Variants in KANK1 observed in about 807,000 individuals in gnomAD.
KANK1 encodes KN motif and ankyrin repeat domain-containing protein 1.
In KANK1, 109 loss-of-function variants were observed where a neutral mutation model predicts 106.2. The observed-to-expected ratio is 1.03, with a 90% CI of 0.88 to 1.20. The LOEUF (loss-of-function observed/expected upper bound fraction) is 1.20, where lower values mean the gene tolerates loss of function less well. Ranked by LOEUF, KANK1 falls within the 50% of genes most tolerant of loss-of-function variation. The pLI, the probability that KANK1 is intolerant of heterozygous loss-of-function variation, is 0.00. For synonymous variants in KANK1, 873 were observed against 652.2 expected (o/e 1.34, Z -5.16); for missense variants, 2,399 against 1,710.7 (o/e 1.40, Z -7.10).
In KANK1 at chr9:528,469, C is replaced by CTTTTTTTTTTTTT. The variant is rs36072780; in HGVS notation, c.-84+23733_-84+23745dup. Among the ~76,000 whole-genome samples, 17 of 85,080 alleles carry CTTTTTTTTTTTTT rather than the reference C, an allele frequency of 2.0e-4. 1 individual carries two copies. The highest frequency in any genetic ancestry group is 3.4e-4 in the African/African-American group (8 of 23,578). 55.8% of individuals were successfully genotyped at this position (85,080 alleles called of 152,430 possible). ...ACCATTTTACTGAATTAAAAAATAACTTTTTTTTTTTTTTTTTTTTTTTTT... is the reference window on the plus strand; with the variant it reads ...ACCATTTTACTGAATTAAAAAATAACTTTTTTTTTTTTTTTTTTTTTTTTTTTTTTTTTTTTTT... On this transcript the variant is annotated intron_variant, in intron 1 of 11. Coordinates refer to ENST00000382297, the MANE Select transcript of KANK1 (RefSeq NM_015158.5).
At chr9:494,410 C>A (rs746534142) in intron 3 of KANK1, among the ~76,000 whole-genome samples, 21 of 152,196 alleles carry the variant, frequency 1.4e-4, no homozygotes, top group African/African-American at 4.1e-4. Context: ...TTTATACTGG[C>A]GGTATAGAAT....
intron 1 of KANK1, among the ~76,000 whole-genome samples, chr9:648,956 TA>T (rs1197328913): frequency 1.3e-5 from 2 of 152,162 alleles, no homozygotes; most frequent in Non-Finnish European, 2.9e-5. Flanking sequence ...TTTGTATTAT[TA>T]GGAGACTCTC....
At chr9:662,643 C>T (rs1373822680) in intron 1 of KANK1, among the ~76,000 whole-genome samples, 1 of 150,366 alleles carries the variant, frequency 6.7e-6, no homozygotes, top group African/African-American at 2.5e-5. Flanking sequence ...GCATCCCTTC[C>T]TTACACCTTA....
chr9:609,626 G>A (rs1434275710), intron 1 of KANK1, among the ~76,000 whole-genome samples: 2 of 151,992 alleles, frequency 1.3e-5, no homozygotes, highest in African/African-American at 4.8e-5. Context: ...GTGAGACGCT[G>A]TCCCAAAAAA....
At chr9:579,794 A>C (rs1434157253) in intron 1 of KANK1, among the ~76,000 whole-genome samples, 1 of 152,216 alleles carries the variant, frequency 6.6e-6, no homozygotes, top group East Asian at 1.9e-4. Flanking sequence ...CTGTGGGTTC[A>C]TTAACCCCAC....
intron 1 of KANK1, among the ~76,000 whole-genome samples, chr9:607,809 A>G (rs937681413): frequency 6.6e-6 from 1 of 151,672 alleles, no homozygotes; most frequent in African/African-American, 2.4e-5. Context: ...AGGCAAAGAA[A>G]AAAAGCGCCG....
intron 1 of KANK1, among the ~76,000 whole-genome samples, chr9:632,720 C>G (rs1048615083): frequency 6.6e-6 from 1 of 152,162 alleles, no homozygotes; most frequent in Non-Finnish European, 1.5e-5. Flanking sequence ...GATGGAGTCT[C>G]TCTCTGTTGC....
chr9:581,589 G>C (rs181726440), intron 1 of KANK1, among the ~76,000 whole-genome samples: 208 of 152,308 alleles, frequency 1.4e-3, no homozygotes, highest in Non-Finnish European at 2.0e-3. Context: ...CCACAAACTA[G>C]AGGTGCAGAG....
Position 738,391 on chromosome 9 carries a change from C to T in KANK1, c.3440C>T (p.Ser1147Phe), listed in dbSNP as rs1402835558. The T allele has an allele frequency of 6.2e-7, 1 of 1,613,980 alleles. No homozygotes were observed. The highest frequency in any genetic ancestry group is 8.5e-7 in the Non-Finnish European group (1 of 1,179,984). Residue 1147 changes from serine (S) to phenylalanine (F), a missense_variant, in exon 8 of 12, where the codon TCC becomes TTC. By Grantham distance (155) the Ser-to-Phe change is radical (BLOSUM62 -2). Coordinates refer to ENST00000382297, the MANE Select transcript of KANK1 (RefSeq NM_015158.5). ...TACATAGCTGCTTTTGAGGCCATTTCCCCAGATGTCCTCCGCTATGTCATC... is the reference window on the plus strand; with the variant it reads ...TACATAGCTGCTTTTGAGGCCATTTTCCCAGATGTCCTCCGCTATGTCATC... ...GDYIAAFEAI[S>F]PDVLRYVINL...
intron 1 of KANK1, among the ~76,000 whole-genome samples, chr9:623,197 G>T (rs764493914): frequency 6.6e-6 from 1 of 151,812 alleles, no homozygotes; most frequent in Non-Finnish European, 1.5e-5. Flanking sequence ...CGAGAAACTC[G>T]TACAACTCAA....
chr9:689,468 T>C (rs1588931917), intron 2 of KANK1, among the ~76,000 whole-genome samples: 1 of 152,256 alleles, frequency 6.6e-6, no homozygotes, highest in East Asian at 1.9e-4. Context: ...ATGTTAAGTC[T>C]TCTGAGCGGA....
chr9:507,054 C>T (rs1303207266), intron 1 of KANK1, among the ~76,000 whole-genome samples: 1 of 151,806 alleles, frequency 6.6e-6, no homozygotes, highest in Non-Finnish European at 1.5e-5. Context: ...CTCACTCACC[C>T]TTCAATAAGA....
chr9:743,852 T>C (rs1836414934), intron 10 of KANK1, among the ~76,000 whole-genome samples: 1 of 152,214 alleles, frequency 6.6e-6, no homozygotes, highest in African/African-American at 2.4e-5. Flanking sequence ...ACAAACCCTG[T>C]CTCAAAAAAC....
chr9:627,476 A>G (rs1358257773), intron 1 of KANK1, among the ~76,000 whole-genome samples: 1 of 152,186 alleles, frequency 6.6e-6, no homozygotes, highest in Non-Finnish European at 1.5e-5. Flanking sequence ...AAGCTTGATT[A>G]TCAGGATATT....
chr9:559,637 A>T (rs1022028875), intron 1 of KANK1, among the ~76,000 whole-genome samples: 1 of 152,230 alleles, frequency 6.6e-6, no homozygotes, highest in African/African-American at 2.4e-5. Context: ...ACAATCTTTC[A>T]AGACGGGAGA....
intron 1 of KANK1, among the ~76,000 whole-genome samples, chr9:561,181 T>C (rs1816321567): frequency 6.6e-6 from 1 of 152,126 alleles, no homozygotes; most frequent in African/African-American, 2.4e-5. Context: ...AATTCTCAAC[T>C]TCAGGGGGGC....
chr9:628,715 T>A (rs1377108931), intron 1 of KANK1, among the ~76,000 whole-genome samples: 1 of 152,150 alleles, frequency 6.6e-6, no homozygotes, highest in Non-Finnish European at 1.5e-5. Context: ...TTGCCATCCC[T>A]TTCTGCATGG....
At chr9:668,928 A>G (rs1216403201) in intron 1 of KANK1, among the ~76,000 whole-genome samples, 4 of 152,156 alleles carry the variant, frequency 2.6e-5, no homozygotes, top group East Asian at 1.9e-4. Context: ...ATGAGAATCT[A>G]TGCTGCTAAT....
intron 1 of KANK1, among the ~76,000 whole-genome samples, chr9:626,419 A>T (rs1834358039): frequency 6.6e-6 from 1 of 151,940 alleles, no homozygotes; most frequent in Admixed American, 6.6e-5. Flanking sequence ...ACAGAGCGAG[A>T]CTCCATCTCA....
Sources: gnomAD v4.1 joint callset for allele counts (sites outside exome capture counted in the v4.1 genomes callset) on GRCh38, gnomAD v4.1.1 for gene constraint, MANE v1.5 for transcripts, NCBI Gene and HGNC (gene_info 2026-07-23, HGNC 2026-07-21) for gene names.